The following IRS4 variants were observed in gnomAD, a reference collection of about 807,000 sequenced individuals.
The protein encoded by IRS4 is insulin receptor substrate 4.
IRS4 carries 15 observed loss-of-function variants against 48.6 expected under a neutral mutation model. That is an observed-to-expected ratio of 0.31 (90% CI 0.21 to 0.48). IRS4 has a LOEUF of 0.48. Among genes scored for constraint, IRS4 ranks in the 20% least tolerant of loss-of-function variants. The pLI, the probability that IRS4 is intolerant of heterozygous loss-of-function variation, is 0.99. For missense variants in IRS4, 987 were observed against 1,023.4 expected, an observed-to-expected ratio of 0.96 and a Z score of 0.49; for synonymous variants, 459 against 413.2, an observed-to-expected ratio of 1.11 and a Z score of -1.34.
Position 108,733,235 on chromosome X carries a change from C to A in IRS4, c.3110G>T (p.Arg1037Leu). The change falls in exon 1 of 2, where the codon CGC becomes CTC. Residue 1037 changes from arginine (R) to leucine (L), a missense_variant. Around this residue, in one of 4 missense-constraint regions of IRS4, gnomAD observed 720 missense variants for 660.3 expected, o/e 1.09. Transcript: ENST00000372129. The part of the protein sequence containing the change: ...PAMALADSAI[R>L]YDAETGRIYV... ...GATTCGACCTGTTTCAGCATCATAG[C>A]GAATGGCACTGTCAGCAAGAGCCAT... 2.5e-6 allele frequency: 3 copies of A among 1,211,660 alleles called. No homozygotes were observed. The highest frequency in any genetic ancestry group is 1.8e-5 in the South Asian group (1 of 56,971).
intron 1 of IRS4, chrX:108,726,400 C>T (rs1335783156): frequency 1.8e-5 from 2 of 111,556 alleles, no homozygotes; most frequent in Non-Finnish European, 3.8e-5. Context: ...TTGGAAGAGT[C>T]GGAGGCAGGG....
intron 1 of IRS4, among the ~76,000 whole-genome samples, chrX:108,730,303 A>G (rs2068894109): frequency 9.5e-6 from 1 of 105,409 alleles, no homozygotes; most frequent in East Asian, 3.0e-4. Context: ...CATCAACACC[A>G]CCACCACCAC....
At position 108,734,049 on chromosome X, in the gene IRS4, T is replaced by C; in HGVS notation, c.2296A>G (p.Lys766Glu). ...TCATTGTCCTTTGAGTCATCCTCTT[T>C]ATTAGTATCAGGTGCTTTTGGAGGA... ...PSPPKAPDTN[K>E]EDDSKDNDSE... The change falls in exon 1 of 2, where the codon AAA (lysine) becomes GAA (glutamate). Residue 766 changes from lysine (K) to glutamate (E), a missense_variant. Coordinates refer to ENST00000372129, the MANE Select transcript of IRS4 (RefSeq NM_001379150.1). 8.3e-7 allele frequency: 1 copy of C among 1,211,609 alleles called. No homozygotes were observed. The highest frequency in any genetic ancestry group is 1.1e-6 in the Non-Finnish European group (1 of 895,413).
chrX:108,735,012 G>A lies in IRS4; in HGVS notation c.1333C>T (p.His445Tyr). ...RLAPSPARPRHPAEAPNNGAR... is the reference protein window; with the variant it reads ...RLAPSPARPRYPAEAPNNGAR... ...CCATTGTTCGGGGCTTCTGCAGGGT[G>A]CCGGGGACGTGCTGGGCTGGGTGCT... Residue 445 changes from histidine to tyrosine, a missense_variant, in exon 1 of 2, where the codon CAC (histidine) becomes TAC (tyrosine). His to Tyr is a moderately conservative substitution (Grantham distance 83). Around this residue, in one of 4 missense-constraint regions of IRS4, gnomAD observed 720 missense variants for 660.3 expected, o/e 1.09. Coordinates refer to ENST00000372129, the MANE Select transcript of IRS4 (RefSeq NM_001379150.1). 13 of 1,212,050 alleles carry A rather than the reference G, an allele frequency of 1.1e-5. No homozygotes were observed. Among genetic ancestry groups the A allele is most frequent in the Non-Finnish European group, 1.5e-5 (13 of 895,576 alleles).
At position 108,732,970 on chromosome X, in the gene IRS4, C is replaced by T; in HGVS notation, c.3375G>A (p.Glu1125=). The change falls in exon 1 of 2, where the codon GAG becomes GAA. Residue 1125 remains glutamate (E), a synonymous_variant. Coordinates refer to ENST00000372129, the MANE Select transcript of IRS4 (RefSeq NM_001379150.1). The stretch of plus-strand genomic sequence containing the variant: ...CAACTTGGCTGAGGGCTAAAGTCGG[C>T]TCTGCAGCCGAAGCGACAGCCGGGG... ...SSAPAVASAA[E]PTLALSQVVA... 6 of 1,201,994 alleles carry T rather than the reference C, an allele frequency of 5.0e-6. No individual in the cohort carries two copies. The highest frequency in any genetic ancestry group is 6.8e-6 in the Non-Finnish European group (6 of 888,240).
chrX:108,723,890 C>T (rs1264692019), intron 1 of IRS4: 1 of 112,487 alleles, frequency 8.9e-6, no homozygotes, highest in Non-Finnish European at 1.9e-5. Context: ...TGTGAGACTG[C>T]ATATTAGTAA....
In IRS4 at chrX:108,733,510, C is replaced by G. The variant is rs1569511054; in HGVS notation, c.2835G>C (p.Trp945Cys). The G allele has an allele frequency of 8.3e-7, 1 of 1,211,862 alleles. No individual in the cohort carries two copies. Among genetic ancestry groups the G allele is most frequent in the East Asian group, 3.0e-5 (1 of 33,846 alleles). ...ACTGTCTGGGTTCAGCAATTATGCC[C>G]CACGAATCTGGTAGTCCTTGAGTAG... ...APSTQGLPDSWGIIAEPRQSA... is the reference protein window; with the variant it reads ...APSTQGLPDSCGIIAEPRQSA... The change falls in exon 1 of 2, where the codon TGG becomes TGC. Residue 945 changes from tryptophan to cysteine, a missense_variant. By Grantham distance (215) the Trp-to-Cys change is radical (BLOSUM62 -2). Around this residue, in one of 4 missense-constraint regions of IRS4, gnomAD observed 720 missense variants for 660.3 expected, o/e 1.09. Coordinates refer to ENST00000372129, the MANE Select transcript of IRS4 (RefSeq NM_001379150.1).
At position 108,735,015 on chromosome X, in the gene IRS4, G is replaced by A. The variant is rs113384043; in HGVS notation, c.1330C>T (p.Arg444Trp). The change falls in exon 1 of 2, where the codon CGG (arginine) becomes TGG (tryptophan). Residue 444 changes from arginine (R) to tryptophan (W), a missense_variant. Transcript: ENST00000372129. ...RRLAPSPARP[R>W]HPAEAPNNGA... is the part of the protein sequence containing the mutation. ...TTGTTCGGGGCTTCTGCAGGGTGCC[G>A]GGGACGTGCTGGGCTGGGTGCTAAG... The A allele has an allele frequency of 1.9e-4, 230 of 1,210,251 alleles. No individual in the cohort carries two copies. In the African/African-American group the frequency reaches 3.1e-3, roughly 16 times the overall value.
intron 1 of IRS4, chrX:108,722,801 G>A (rs148353519): frequency 2.3e-4 from 36 of 158,123 alleles, no homozygotes; most frequent in African/African-American, 1.0e-3. Flanking sequence ...TTGCACGTGC[G>A]TGCACTGTTC....
chrX:108,734,248 T>A lies in IRS4; in HGVS notation c.2097A>T (p.Pro699=), dbSNP rs989946352. 8.3e-7 allele frequency: 1 copy of A among 1,209,041 alleles called. No individual in the cohort carries two copies. Among genetic ancestry groups the A allele is most frequent in the Non-Finnish European group, 1.1e-6 (1 of 894,961 alleles). ...CCACCCCTGGCCTCATTGGCACGTA[T>A]GGGTCATCCTCATCTTCATCAAAAG... ...ARAFDEDEDD[P]YVPMRPGVAT... Residue 699 remains proline (P), a synonymous_variant, in exon 1 of 2, where the codon CCA becomes CCT. Coordinates refer to ENST00000372129, the MANE Select transcript of IRS4 (RefSeq NM_001379150.1).
intron 1 of IRS4, among the ~76,000 whole-genome samples, chrX:108,730,225 C>T (rs1047449616): frequency 8.1e-5 from 9 of 110,879 alleles, no homozygotes; most frequent in African/African-American, 3.0e-4. Flanking sequence ...TCACAGACAA[C>T]ATTCTACCAT....
chrX:108,729,101 C>T (rs778989528), intron 1 of IRS4, among the ~76,000 whole-genome samples: 2 of 110,715 alleles, frequency 1.8e-5, no homozygotes, highest in South Asian at 3.9e-4. Context: ...ATAAATGATC[C>T]GTCAATGGTA....
intron 1 of IRS4, among the ~76,000 whole-genome samples, chrX:108,728,463 G>C (rs768810124): frequency 1.1e-4 from 12 of 112,132 alleles, no homozygotes; most frequent in Non-Finnish European, 2.1e-4. Context: ...GGTGTCATGT[G>C]TTGGGTGGAG....
In IRS4 at chrX:108,733,060, T is replaced by G; in HGVS notation, c.3285A>C (p.Ala1095=). 8.3e-7 allele frequency: 1 copy of G among 1,211,955 alleles called. No individual in the cohort carries two copies. Among genetic ancestry groups the G allele is most frequent in the Non-Finnish European group, 1.1e-6 (1 of 895,505 alleles). The stretch of plus-strand genomic sequence containing the variant: ...GAAAAGCAGAGACAGCGGCTCTGGC[T>G]GCTGCAAAGAAACTTTGAGAACGGC... ...PQSRSQSFFA[A]ARAAVSAFPT... The change falls in exon 1 of 2, where the codon GCA becomes GCC. Residue 1095 remains alanine (A), a synonymous_variant. Coordinates refer to ENST00000372129, the MANE Select transcript of IRS4 (RefSeq NM_001379150.1).
At position 108,733,446 on chromosome X, in the gene IRS4, G is replaced by A. The variant is rs978180893; in HGVS notation, c.2899C>T (p.Pro967Ser). ...AGGTCGTTTGCTGGATTTGGAAATG[G>A]CACTCCAAACTCAACATTCACATAA... ...SNYVNVEFGV[P>S]FPNPANDLSD... is the part of the protein sequence containing the mutation. Residue 967 changes from proline (P) to serine (S), a missense_variant, in exon 1 of 2, where the codon CCA (proline) becomes TCA (serine). Pro to Ser is a moderately conservative substitution (Grantham distance 74, BLOSUM62 -1). Around this residue, in one of 4 missense-constraint regions of IRS4, gnomAD observed 720 missense variants for 660.3 expected, o/e 1.09. Coordinates refer to ENST00000372129, the MANE Select transcript of IRS4 (RefSeq NM_001379150.1). The A allele has an allele frequency of 1.7e-6, 2 of 1,211,381 alleles. No individual in the cohort carries two copies. The highest frequency in any genetic ancestry group is 1.8e-5 in the South Asian group (1 of 56,960).
rs2068956578 is a variant in IRS4 at position 108,736,557 on chromosome X, G to C, written c.-213C>G. 1.7e-6 allele frequency: 1 copy of C among 593,150 alleles called. No homozygotes were observed. The highest frequency in any genetic ancestry group is 3.7e-5 in the East Asian group (1 of 26,906). 48.9% of individuals were successfully genotyped at this position (593,150 alleles called of 1,213,427 possible). A position where few individuals can be genotyped will look rare whatever the true frequency, so the allele number is the denominator to read the frequency against. On this transcript the variant is annotated 5_prime_UTR_variant, in exon 1 of 2. Coordinates refer to ENST00000372129, the MANE Select transcript of IRS4 (RefSeq NM_001379150.1). The stretch of plus-strand genomic sequence containing the variant: ...GCGGCCGCTGCGGATCCTGCTACCG[G>C]CGCAATGGAGGGGCGCGAGCGGCCA...
Position 108,735,928 on chromosome X carries a change from G to C in IRS4, c.417C>G (p.Pro139=). The change falls in exon 1 of 2, where the codon CCC becomes CCG. Residue 139 remains proline, a synonymous_variant. Coordinates refer to ENST00000372129, the MANE Select transcript of IRS4 (RefSeq NM_001379150.1). ...AAAAASGAAI[P]PLIPPRRVIT... ...TCACGCGCCGCGGTGGAATGAGCGGGGGGATCGCGGCGCCAGAGGCGGCCG... is the reference window on the plus strand; with the variant it reads ...TCACGCGCCGCGGTGGAATGAGCGGCGGGATCGCGGCGCCAGAGGCGGCCG... 3.3e-6 allele frequency: 4 copies of C among 1,208,907 alleles called. No homozygotes were observed. Among genetic ancestry groups the C allele is most frequent in the South Asian group, 3.5e-5 (2 of 56,963 alleles).
In IRS4 at chrX:108,735,747, C is replaced by G. The variant is rs2068946379; in HGVS notation, c.598G>C (p.Glu200Gln). ...WYLLLSRLIL[E>Q]SKRRRCGTLG... ...GTGCCGCAGCGGCGGCGCTTGCTCT[C>G]GAGGATGAGGCGGCTGAGCAGCAAG... is the stretch of plus-strand genomic sequence containing the variant. The change falls in exon 1 of 2, where the codon GAG (glutamate) becomes CAG (glutamine). Residue 200 changes from glutamate to glutamine, a missense_variant. Physicochemically the swap from Glu to Gln is conservative, Grantham distance 29. Around this residue, in one of 4 missense-constraint regions of IRS4, gnomAD observed 173 missense variants for 208.9 expected, o/e 0.83. Transcript: ENST00000372129. 7 of 1,192,901 alleles carry G rather than the reference C, an allele frequency of 5.9e-6. No homozygotes were observed. Among genetic ancestry groups the G allele is most frequent in the Non-Finnish European group, 7.9e-6 (7 of 887,665 alleles).
At position 108,733,077 on chromosome X, in the gene IRS4, G is replaced by A; in HGVS notation, c.3268C>T (p.Gln1090Ter). 1 of 1,211,955 alleles carries A rather than the reference G, an allele frequency of 8.3e-7. No homozygotes were observed. Among genetic ancestry groups the A allele is most frequent in the Non-Finnish European group, 1.1e-6 (1 of 895,575 alleles). ...GCTCTGGCTGCTGCAAAGAAACTTT[G>A]AGAACGGCTTTGTGGGCGTCTTCTC... ...QERRRPQSRS[Q>*]SFFAAARAAV... The change falls in exon 1 of 2, where the codon CAA (glutamine) becomes TAA (stop). Residue 1090 changes from glutamine to a stop codon, truncating the protein, a stop_gained. Coordinates refer to ENST00000372129, the MANE Select transcript of IRS4 (RefSeq NM_001379150.1). LOFTEE classifies it high-confidence loss of function.
Sources: gnomAD v4.1 joint callset for allele counts (sites outside exome capture counted in the v4.1 genomes callset) on GRCh38, gnomAD v4.1.1 for gene constraint, gnomAD v4.1.1 regional missense constraint, MANE v1.5 for transcripts, NCBI Gene and HGNC (gene_info 2026-07-23, HGNC 2026-07-21) for gene names.